Variants in JAKMIP2 observed in about 807,000 individuals in gnomAD.
JAKMIP2 encodes the protein janus kinase and microtubule interacting protein 2.
Under a neutral mutation model 115.0 loss-of-function variants are expected in JAKMIP2, and 25 were observed. That is an observed-to-expected ratio of 0.22 (90% confidence interval 0.16 to 0.30). The LOEUF (loss-of-function observed/expected upper bound fraction) is 0.30, where lower values mean the gene tolerates loss of function less well. Among genes scored for constraint, JAKMIP2 ranks in the 10% least tolerant of loss-of-function variants. The pLI is 1.00. For missense variants in JAKMIP2, 642 were observed against 957.6 expected (o/e 0.67, Z 4.35); for synonymous variants, 334 against 343.6 (o/e 0.97, Z 0.31).
chr5:147,637,209 G>A (rs979221664), intron 10 of JAKMIP2, among the ~76,000 whole-genome samples, 161 bp from the exon 11 acceptor site: 10 of 152,014 alleles, frequency 6.6e-5, no homozygotes, highest in African/African-American at 2.4e-4. Flanking sequence ...ACTCCCTGTA[G>A]CATTCTTTAT....
chr5:147,594,366 G>T (rs1187943316), intron 21 of JAKMIP2: 1 of 422,378 alleles, frequency 2.4e-6, no homozygotes, highest in African/African-American at 2.0e-5. Flanking sequence ...ACAGGGTCTT[G>T]CTTTGTTGCT....
intron 1 of JAKMIP2, among the ~76,000 whole-genome samples, chr5:147,738,546 T>A (rs532223267): frequency 6.6e-6 from 1 of 152,252 alleles, no homozygotes; most frequent in East Asian, 1.9e-4. Flanking sequence ...TGAAATGAAT[T>A]TACTGTATGA....
At chr5:147,680,394 C>T (rs534986233) in intron 1 of JAKMIP2, among the ~76,000 whole-genome samples, 2 of 152,272 alleles carry the variant, frequency 1.3e-5, no homozygotes, top group African/African-American at 4.8e-5. Context: ...GCTGGTTCTG[C>T]CCCAAGCTAT....
At chr5:147,776,348 T>G (rs1035488389) in intron 1 of JAKMIP2, among the ~76,000 whole-genome samples, 6 of 152,126 alleles carry the variant, frequency 3.9e-5, no homozygotes, top group African/African-American at 1.2e-4. Context: ...CGAGAGCTGA[T>G]GGTTTTATAA....
intron 1 of JAKMIP2, among the ~76,000 whole-genome samples, chr5:147,751,318 T>A (rs1000135229): frequency 3.3e-5 from 5 of 149,542 alleles, no homozygotes; most frequent in African/African-American, 1.2e-4. Flanking sequence ...CAGGATGGTC[T>A]CCATCTCCTG....
At chr5:147,688,271 T>C (rs1760667639) in intron 1 of JAKMIP2, among the ~76,000 whole-genome samples, 1 of 152,228 alleles carries the variant, frequency 6.6e-6, no homozygotes, top group African/African-American at 2.4e-5. Flanking sequence ...CTTAGGGCTT[T>C]TCACTTAGAA....
At chr5:147,776,231 G>A (rs183715336) in intron 1 of JAKMIP2, among the ~76,000 whole-genome samples, 1 of 152,240 alleles carries the variant, frequency 6.6e-6, no homozygotes, top group African/African-American at 2.4e-5. Context: ...ATCCTGAATT[G>A]TAGTTCCCAT....
chr5:147,634,970 T>C (rs1045128661), intron 12 of JAKMIP2, among the ~76,000 whole-genome samples: 1 of 152,210 alleles, frequency 6.6e-6, no homozygotes, highest in African/African-American at 2.4e-5. Context: ...CCTTACACAA[T>C]TGGGCTTTCA....
At chr5:147,724,565 T>C (rs1753442370) in intron 1 of JAKMIP2, among the ~76,000 whole-genome samples, 2 of 152,336 alleles carry the variant, frequency 1.3e-5, no homozygotes, top group Middle Eastern at 3.4e-3. Context: ...ATCATTTTAA[T>C]GTAATGAGAA....
At chr5:147,757,737 A>G (rs1754797729) in intron 1 of JAKMIP2, among the ~76,000 whole-genome samples, 1 of 152,112 alleles carries the variant, frequency 6.6e-6, no homozygotes, top group Middle Eastern at 3.2e-3. Flanking sequence ...AACACATATT[A>G]ATTGATGTTG....
intron 19 of JAKMIP2, among the ~76,000 whole-genome samples, chr5:147,616,704 T>C (rs1242731680): frequency 2.0e-5 from 3 of 152,176 alleles, no homozygotes; most frequent in Admixed American, 6.5e-5. Flanking sequence ...AGTCTTTCCA[T>C]GGGTCAAAAC....
rs67628816 is a variant in JAKMIP2 at position 147,742,139 on chromosome 5, T to TTA, written c.-149+40315_-149+40316dup. On this transcript the variant is annotated intron_variant, in intron 1 of 21. Coordinates refer to ENST00000616793, the MANE Select transcript of JAKMIP2 (RefSeq NM_001270941.2). ...TGTTCCGCATTAGCCCTGTGGATCA[T>TTA]TATATATATATATATATTTTTTTTA... 5.1e-4 allele frequency among the ~76,000 whole-genome samples: 50 copies of TTA among 98,226 alleles called. 6 individuals carry two copies. Among genetic ancestry groups the TTA allele is most frequent in the Admixed American group, 7.5e-4 (7 of 9,360 alleles). The allele number at this position is 98,226 out of a possible 152,430, so 64.4% of individuals were successfully genotyped here. A position where few individuals can be genotyped will look rare whatever the true frequency, so the allele number is the denominator to read the frequency against.
At chr5:147,598,591 C>T (rs1251299971) in intron 21 of JAKMIP2, among the ~76,000 whole-genome samples, 2 of 152,114 alleles carry the variant, frequency 1.3e-5, no homozygotes, top group African/African-American at 4.8e-5. Context: ...TCTGGAACTA[C>T]TTGGAGTCCC....
At chr5:147,728,590 T>C (rs1753607661) in intron 1 of JAKMIP2, among the ~76,000 whole-genome samples, 1 of 152,234 alleles carries the variant, frequency 6.6e-6, no homozygotes, top group South Asian at 2.1e-4. Context: ...GTGATGTTTA[T>C]ATATGAAAGA....
chr5:147,776,339 G>A (rs1352828870), intron 1 of JAKMIP2, among the ~76,000 whole-genome samples: 1 of 152,040 alleles, frequency 6.6e-6, no homozygotes, highest in Non-Finnish European at 1.5e-5. Flanking sequence ...AAGTTCTCAC[G>A]AGAGCTGATG....
chr5:147,721,555 G>A lies in JAKMIP2; in HGVS notation c.-148-49601C>T, dbSNP rs182481907. Reference sequence around the variant, plus strand: ...GGTGCGGGGTATAATCTCGTGGTGCGCCGTTTTTTAAGCCCGTCGGAAAAG... The same window carrying A: ...GGTGCGGGGTATAATCTCGTGGTGCACCGTTTTTTAAGCCCGTCGGAAAAG... On this transcript the variant is annotated intron_variant, in intron 1 of 21. Coordinates refer to ENST00000616793, the MANE Select transcript of JAKMIP2 (RefSeq NM_001270941.2). Among the ~76,000 whole-genome samples, 811 of 152,304 alleles carry A rather than the reference G, an allele frequency of 5.3e-3. 4 individuals are homozygous for A. The highest frequency in any genetic ancestry group is 8.6e-3 in the Non-Finnish European group (584 of 68,034).
At chr5:147,737,735 G>A (rs1753979849) in intron 1 of JAKMIP2, among the ~76,000 whole-genome samples, 1 of 152,108 alleles carries the variant, frequency 6.6e-6, no homozygotes, top group African/African-American at 2.4e-5. Flanking sequence ...TCAATACCTT[G>A]CAGACAAAAG....
At chr5:147,726,235 G>A (rs1753511441) in intron 1 of JAKMIP2, among the ~76,000 whole-genome samples, 1 of 152,176 alleles carries the variant, frequency 6.6e-6, no homozygotes, top group East Asian at 1.9e-4. Context: ...TTTGAGCCTG[G>A]CCAGTTCAAT....
intron 1 of JAKMIP2, among the ~76,000 whole-genome samples, chr5:147,713,558 G>A (rs1319994412): frequency 1.3e-5 from 2 of 151,986 alleles, no homozygotes; most frequent in Non-Finnish European, 2.9e-5. Context: ...CTGGACAATC[G>A]CCAACCAATA....
Sources: gnomAD v4.1 joint callset for allele counts (sites outside exome capture counted in the v4.1 genomes callset) on GRCh38, gnomAD v4.1.1 for gene constraint, MANE v1.5 for transcripts, NCBI Gene and HGNC (gene_info 2026-07-23, HGNC 2026-07-21) for gene names.